The following DIAPH2 variants were observed in gnomAD, a reference collection of about 807,000 sequenced individuals.
DIAPH2 encodes the protein protein diaphanous homolog 2.
In DIAPH2, 35 loss-of-function variants were observed where a neutral mutation model predicts 92.7. The observed-to-expected ratio is 0.38, with a 90% CI of 0.29 to 0.50. DIAPH2 has a LOEUF of 0.50. Among genes scored for constraint, DIAPH2 ranks in the 20% least tolerant of loss-of-function variants. The pLI is 0.94. For missense variants in DIAPH2, 701 were observed against 819.5 expected, an observed-to-expected ratio of 0.86 and a Z score of 1.77; for synonymous variants, 301 against 280.4, an observed-to-expected ratio of 1.07 and a Z score of -0.73.
chrX:97,164,997 T>C (rs1012455250), intron 22 of DIAPH2, among the ~76,000 whole-genome samples: 2 of 112,488 alleles, frequency 1.8e-5, no homozygotes, highest in African/African-American at 6.5e-5. Flanking sequence ...GTGCATTGTA[T>C]TTCACTCTTT....
chrX:97,124,755 A>G (rs2067080307), intron 21 of DIAPH2, among the ~76,000 whole-genome samples: 1 of 111,494 alleles, frequency 9.0e-6, no homozygotes, highest in African/African-American at 3.3e-5. Context: ...ATTTTAACTT[A>G]TATGTTACAG....
At chrX:96,746,615 G>C (rs1240490305) in intron 3 of DIAPH2, among the ~76,000 whole-genome samples, 8 of 110,353 alleles carry the variant, frequency 7.2e-5, no homozygotes, top group Non-Finnish European at 1.9e-5. Context: ...GTGCAGTGGT[G>C]TGATCATGGC....
intron 26 of DIAPH2, among the ~76,000 whole-genome samples, chrX:97,596,206 C>T (rs1268363206): frequency 8.9e-6 from 1 of 111,881 alleles, no homozygotes; most frequent in East Asian, 2.8e-4. Context: ...ATGTGTTAGT[C>T]TATGAATTAA....
chrX:96,883,675 C>T (rs1247613025), intron 5 of DIAPH2, among the ~76,000 whole-genome samples: 2 of 110,895 alleles, frequency 1.8e-5, no homozygotes, highest in Non-Finnish European at 3.8e-5. Context: ...CCACTGCGCC[C>T]GGCCTGATGC....
rs1569323154 is a variant in DIAPH2, at chrX:97,185,409, A to ATATATATG, written c.2719+43616_2719+43617insATATATGT. Among the ~76,000 whole-genome samples, 56 of 36,074 alleles carry ATATATATG rather than the reference A, an allele frequency of 1.6e-3. 4 individuals are homozygous for ATATATATG. The highest frequency in any genetic ancestry group is 9.3e-3 in the African/African-American group (51 of 5,502). The allele number at this position is 36,074 out of a possible 115,157, so 31.3% of individuals were successfully genotyped here. A position where few individuals can be genotyped will look rare whatever the true frequency, so the allele number is the denominator to read the frequency against. On this transcript the variant is annotated intron_variant, in intron 22 of 26. Transcript: ENST00000324765. ...TATATATATGTGTATATATATATAT[A>ATATATATG]TGTATATATATATGTATATATATAT...
intron 1 of DIAPH2, among the ~76,000 whole-genome samples, chrX:96,709,909 A>C (rs1473698214): frequency 8.9e-6 from 1 of 112,206 alleles, no homozygotes; most frequent in Non-Finnish European, 1.9e-5. Flanking sequence ...TTGTTATAAC[A>C]TTCTTTCCAT....
chrX:97,446,753 A>T (rs913917597), intron 26 of DIAPH2, among the ~76,000 whole-genome samples: 5 of 110,066 alleles, frequency 4.5e-5, no homozygotes, highest in African/African-American at 1.7e-4. Flanking sequence ...AATCATGCAA[A>T]TCATTTTAAT....
chrX:97,123,913 G>A (rs1310392693), intron 21 of DIAPH2, among the ~76,000 whole-genome samples: 2 of 112,253 alleles, frequency 1.8e-5, no homozygotes, highest in African/African-American at 6.5e-5. Flanking sequence ...ATAGTATAGT[G>A]GTGCACATAC....
intron 1 of DIAPH2, among the ~76,000 whole-genome samples, chrX:96,720,412 G>A (rs1393805160): frequency 9.0e-6 from 1 of 111,425 alleles, no homozygotes; most frequent in African/African-American, 3.3e-5. Context: ...ACTTACACTC[G>A]AAGAGATTGA....
At chrX:97,183,223 A>C (rs1404433327) in intron 22 of DIAPH2, among the ~76,000 whole-genome samples, 1 of 111,632 alleles carries the variant, frequency 9.0e-6, no homozygotes. Context: ...TCCAGGAAAT[A>C]TCTATCCTCA....
At chrX:96,791,735 G>A (rs758941172) in intron 4 of DIAPH2, among the ~76,000 whole-genome samples, 2 of 110,827 alleles carry the variant, frequency 1.8e-5, no homozygotes, top group African/African-American at 6.6e-5. Flanking sequence ...TAGCATGTTC[G>A]GTAGGCAAGC....
intron 20 of DIAPH2, among the ~76,000 whole-genome samples, chrX:97,104,685 T>G (rs1308332728): frequency 9.0e-6 from 1 of 111,392 alleles, no homozygotes; most frequent in African/African-American, 3.3e-5. Flanking sequence ...CTGGCCTTAT[T>G]TCCTGATTTT....
intron 23 of DIAPH2, among the ~76,000 whole-genome samples, chrX:97,332,338 C>T (rs1328009648): frequency 9.0e-6 from 1 of 111,676 alleles, no homozygotes; most frequent in Non-Finnish European, 1.9e-5. Context: ...GGCTAAATCT[C>T]TTGCCTCAGT....
chrX:96,962,276 TATATATATACATATATATATATAC>T (rs2065854201), intron 16 of DIAPH2, among the ~76,000 whole-genome samples: 5 of 80,549 alleles, frequency 6.2e-5, no homozygotes, highest in South Asian at 1.2e-3. Flanking sequence ...TATATATACA[TATATATATACATATATATATATAC>T]ATATATATAT....
At chrX:96,780,564 C>T in intron 4 of DIAPH2, among the ~76,000 whole-genome samples, 1 of 109,907 alleles carries the variant, frequency 9.1e-6, no homozygotes, top group East Asian at 2.9e-4. Context: ...TCACTGCAAC[C>T]TCTGCCTTCT....
At chrX:97,425,976 A>G (rs960428798) in intron 25 of DIAPH2, among the ~76,000 whole-genome samples, 1 of 110,362 alleles carries the variant, frequency 9.1e-6, no homozygotes, top group East Asian at 2.8e-4. Flanking sequence ...CCACCATCCA[A>G]TGACACCCAA....
chrX:97,391,320 C>T (rs188845421), intron 25 of DIAPH2, among the ~76,000 whole-genome samples: 52 of 110,905 alleles, frequency 4.7e-4, no homozygotes, highest in Non-Finnish European at 8.3e-4. Flanking sequence ...ATCCATGGGG[C>T]GTGAAAGCCT....
chrX:97,480,550 C>T (rs1358163010), intron 26 of DIAPH2, among the ~76,000 whole-genome samples: 2 of 111,599 alleles, frequency 1.8e-5, no homozygotes, highest in African/African-American at 6.5e-5. Flanking sequence ...CTGGAACAGT[C>T]ATAGCTTGCA....
intron 17 of DIAPH2, among the ~76,000 whole-genome samples, chrX:96,977,592 T>C (rs1271675222): frequency 8.9e-6 from 1 of 112,236 alleles, no homozygotes; most frequent in Non-Finnish European, 1.9e-5. Context: ...AATATATAGA[T>C]TAAGCACAAT....
Sources: gnomAD v4.1 joint callset for allele counts (sites outside exome capture counted in the v4.1 genomes callset) on GRCh38, gnomAD v4.1.1 for gene constraint, MANE v1.5 for transcripts, NCBI Gene and HGNC (gene_info 2026-07-23, HGNC 2026-07-21) for gene names.